The following LINGO2 variants were observed in gnomAD, a reference collection of about 807,000 sequenced individuals.
The protein encoded by LINGO2 is leucine-rich repeat and immunoglobulin-like domain-containing nogo receptor-interacting protein 2.
Under a neutral mutation model 30.6 loss-of-function variants are expected in LINGO2, and 14 were observed. The observed-to-expected ratio is 0.46, with a 90% confidence interval of 0.30 to 0.72. LINGO2 has a LOEUF of 0.72. Among genes scored for constraint, LINGO2 ranks in the 30% least tolerant of loss-of-function variants. The pLI is 0.07. For missense variants in LINGO2, 729 were observed against 751.7 expected (o/e 0.97, Z 0.35); for synonymous variants, 317 against 288.5 (o/e 1.10, Z -1.00).
the LINGO2 span, among the ~76,000 whole-genome samples, chr9:28,741,456 T>A: frequency 9.5e-4 from 144 of 152,038 alleles, 1 homozygote; most frequent in South Asian, 2.3e-3. Context: ...TGAAAAAATC[T>A]TCAGTTGTTG....
At chr9:29,147,598 T>C in the LINGO2 span, among the ~76,000 whole-genome samples, 1 of 152,130 alleles carries the variant, frequency 6.6e-6, no homozygotes, top group Non-Finnish European at 1.5e-5. Flanking sequence ...TGAGTCACAG[T>C]ATAGCTTGAT....
chr9:28,933,496 G>A, the LINGO2 span, among the ~76,000 whole-genome samples: 110,545 of 151,842 alleles, frequency 0.73, 40,508 homozygotes, highest in Non-Finnish European at 0.78. Context: ...TTGATAAGAT[G>A]GTAGTAGGAG....
the LINGO2 span, among the ~76,000 whole-genome samples, chr9:29,127,618 T>A: frequency 6.6e-6 from 1 of 152,058 alleles, no homozygotes; most frequent in East Asian, 1.9e-4. Context: ...TGAGTCCTTT[T>A]CCTTTTTTCT....
At chr9:28,985,966 TC>T in the LINGO2 span, among the ~76,000 whole-genome samples, 1 of 152,104 alleles carries the variant, frequency 6.6e-6, no homozygotes, top group African/African-American at 2.4e-5. Context: ...TCCTATGTTT[TC>T]TTCTAGTAGT....
chr9:28,360,664 C>T (rs1027174257), intron 3 of LINGO2, among the ~76,000 whole-genome samples: 2 of 152,176 alleles, frequency 1.3e-5, no homozygotes, highest in Admixed American at 6.5e-5. Flanking sequence ...ATGCCATTTT[C>T]CTTATACATG....
At chr9:27,985,280 G>A (rs991690330) in intron 5 of LINGO2, among the ~76,000 whole-genome samples, 1 of 151,880 alleles carries the variant, frequency 6.6e-6, no homozygotes, top group Non-Finnish European at 1.5e-5. Context: ...ATGTGAAAGT[G>A]TAATAATTTT....
the LINGO2 span, among the ~76,000 whole-genome samples, chr9:28,769,606 T>A: frequency 6.9e-6 from 1 of 145,774 alleles, no homozygotes; most frequent in African/African-American, 2.5e-5. Flanking sequence ...AATTTTGATG[T>A]TGCCTATCCT....
At chr9:29,123,854 G>A in the LINGO2 span, among the ~76,000 whole-genome samples, 1 of 151,888 alleles carries the variant, frequency 6.6e-6, no homozygotes, top group African/African-American at 2.4e-5. Flanking sequence ...GTGTCAAGTA[G>A]GAACATAAAT....
chr9:28,168,887 AC>A (rs1309040614), intron 4 of LINGO2, among the ~76,000 whole-genome samples: 1 of 152,236 alleles, frequency 6.6e-6, no homozygotes, highest in Non-Finnish European at 1.5e-5. Flanking sequence ...TGGCTTTGCC[AC>A]CCAGCATTCC....
intron 4 of LINGO2, among the ~76,000 whole-genome samples, chr9:28,031,597 C>A (rs1041882624): frequency 2.0e-5 from 3 of 152,164 alleles, no homozygotes; most frequent in Non-Finnish European, 4.4e-5. Context: ...CTTTCCTCAT[C>A]TTTAAAGTGG....
chr9:29,160,417 G>A, the LINGO2 span, among the ~76,000 whole-genome samples: 1 of 152,138 alleles, frequency 6.6e-6, no homozygotes, highest in African/African-American at 2.4e-5. Context: ...TTAAAGGGGG[G>A]CAATAATAAC....
chr9:28,803,260 CA>C, the LINGO2 span, among the ~76,000 whole-genome samples: 1 of 151,588 alleles, frequency 6.6e-6, no homozygotes, highest in Non-Finnish European at 1.5e-5. Context: ...GAATATAACA[CA>C]AAAGTCAAAG....
At chr9:29,180,492 C>A in the LINGO2 span, among the ~76,000 whole-genome samples, 1 of 152,166 alleles carries the variant, frequency 6.6e-6, no homozygotes, top group South Asian at 2.1e-4. Flanking sequence ...ATCCAGACTA[C>A]TGTAGCAGGC....
At chr9:28,417,775 T>C (rs1479938036) in intron 2 of LINGO2, among the ~76,000 whole-genome samples, 7 of 152,204 alleles carry the variant, frequency 4.6e-5, no homozygotes, top group African/African-American at 2.4e-5. Flanking sequence ...TATTAGGTTG[T>C]TTACATGCTT....
At chr9:28,390,345 T>G (rs1821774756) in intron 2 of LINGO2, among the ~76,000 whole-genome samples, 1 of 152,200 alleles carries the variant, frequency 6.6e-6, no homozygotes, top group South Asian at 2.1e-4. Flanking sequence ...TCTGAAATCT[T>G]AATTCACATC....
At chr9:28,857,890 C>A in the LINGO2 span, among the ~76,000 whole-genome samples, 2 of 151,292 alleles carry the variant, frequency 1.3e-5, no homozygotes, top group Non-Finnish European at 2.9e-5. Context: ...TCACCTATTT[C>A]TTTTAATTTT....
At chr9:28,844,339 G>A in the LINGO2 span, among the ~76,000 whole-genome samples, 9 of 151,820 alleles carry the variant, frequency 5.9e-5, no homozygotes, top group Non-Finnish European at 1.2e-4. Context: ...TCTAGCCTGG[G>A]TGACAGAATG....
chr9:28,621,816 ATATT>A (rs1174246097), intron 1 of LINGO2, among the ~76,000 whole-genome samples: 1 of 152,040 alleles, frequency 6.6e-6, no homozygotes, highest in Non-Finnish European at 1.5e-5. Flanking sequence ...TATTGTATAT[ATATT>A]AAGTGTGTCA....
At chr9:28,555,755 A>G (rs1045050705) in intron 1 of LINGO2, among the ~76,000 whole-genome samples, 3 of 152,128 alleles carry the variant, frequency 2.0e-5, no homozygotes, top group Non-Finnish European at 4.4e-5. Context: ...TCAATAAAAT[A>G]CTGGCAAACT....
Sources: allele counts gnomAD v4.1 joint callset (sites outside exome capture counted in the v4.1 genomes callset), GRCh38; gene constraint gnomAD v4.1.1; transcripts MANE v1.5; gene names NCBI Gene and HGNC (gene_info 2026-07-23, HGNC 2026-07-21).